The following MGAM variants were observed in gnomAD, a reference collection of about 807,000 sequenced individuals.
MGAM encodes maltase-glucoamylase.
In MGAM, 253 loss-of-function variants were observed where a neutral mutation model predicts 358.8. The ratio of observed to expected loss-of-function variants is 0.71; its 90% CI spans 0.64 to 0.78. The LOEUF (loss-of-function observed/expected upper bound fraction) is 0.78, where lower values mean the gene tolerates loss of function less well. MGAM is among the 30% of genes least tolerant of loss of function. MGAM has a pLI of 0.00. For missense variants in MGAM, 3,080 were observed against 3,432.6 expected (o/e 0.90, Z 2.57); for synonymous variants, 1,105 against 1,227.1 (o/e 0.90, Z 2.08).
Position 142,065,438 on chromosome 7 carries a change from G to C in MGAM, c.4588G>C (p.Ala1530Pro), listed in dbSNP as rs772302459. 12 of 1,609,322 alleles carry C rather than the reference G, an allele frequency of 7.5e-6. No individual in the cohort carries two copies. The highest frequency in any genetic ancestry group is 1.0e-5 in the Non-Finnish European group (12 of 1,177,736). ...ACATTGGCTGGGAGACAACACGGCC[G>C]CATGGGATCAGCTGAAGAAGTCTAT... Reference protein sequence around the residue: ...AGHWLGDNTAAWDQLKKSIIG... With the variant: ...AGHWLGDNTAPWDQLKKSIIG... Residue 1530 changes from alanine to proline, a missense_variant, in exon 38 of 71, where the codon GCA (alanine) becomes CCA (proline). This residue lies in a region of MGAM where 134 missense variants were observed against 198.4 expected (regional missense o/e 0.68). Coordinates refer to ENST00000475668, the MANE Select transcript of MGAM (RefSeq NM_001365693.1).
At chr7:142,034,048 A>C (rs4416750) in intron 14 of MGAM, among the ~76,000 whole-genome samples, 23 of 152,056 alleles carry the variant, frequency 1.5e-4, no homozygotes, top group African/African-American at 5.3e-4. Context: ...TGAGAGCTCC[A>C]GTGGGAGGAT....
intron 1 of MGAM, among the ~76,000 whole-genome samples, chr7:141,997,521 A>G (rs1804349957): frequency 6.6e-6 from 1 of 152,212 alleles, no homozygotes; most frequent in Non-Finnish European, 1.5e-5. Context: ...TTCTATAAGC[A>G]TGGAATGGAA....
At chr7:142,000,926 A>C (rs1400200051) in intron 1 of MGAM, among the ~76,000 whole-genome samples, 1 of 152,182 alleles carries the variant, frequency 6.6e-6, no homozygotes. Context: ...AAAAAAATTA[A>C]ATATTTTTAT....
chr7:142,034,205 A>G, intron 14 of MGAM, 57 bp from the exon 15 acceptor site: 1 of 1,300,058 alleles, frequency 7.7e-7, no homozygotes, highest in South Asian at 1.3e-5. Context: ...TGTGATAGTC[A>G]AGGAGCAGAA....
chr7:142,052,155 T>G (rs1404549260), intron 24 of MGAM, 139 bp from the exon 25 acceptor site: 1 of 728,076 alleles, frequency 1.4e-6, no homozygotes, highest in Non-Finnish European at 2.2e-6. Flanking sequence ...TCTCTTCTTA[T>G]AAGCTAAAGT....
intron 12 of MGAM, 25 bp from the exon 13 acceptor site, chr7:142,031,655 C>T: frequency 6.8e-7 from 1 of 1,460,368 alleles, no homozygotes; most frequent in Non-Finnish European, 9.6e-7. Context: ...TTACTCTTAC[C>T]AGTGTTTTTC....
chr7:142,004,376 A>G (rs1396409630), intron 1 of MGAM: 1 of 152,040 alleles, frequency 6.6e-6, no homozygotes, highest in Non-Finnish European at 1.5e-5. Context: ...AAACAATGAA[A>G]TCATATTTTT....
At chr7:142,040,437 A>T in intron 20 of MGAM, 1 of 582,848 alleles carries the variant, frequency 1.7e-6, no homozygotes, top group South Asian at 2.3e-5. Context: ...GGAGGAACTG[A>T]TGGACAATGT....
At chr7:142,029,721 A>G (rs1412201099) in intron 10 of MGAM, among the ~76,000 whole-genome samples, 3 of 152,192 alleles carry the variant, frequency 2.0e-5, no homozygotes, top group Non-Finnish European at 4.4e-5. Context: ...GAATGTACCT[A>G]TGATATTGGA....
chr7:142,074,208 A>G lies in MGAM; in HGVS notation c.5275+35A>G, dbSNP rs571623710. 12 of 1,372,618 alleles carry G rather than the reference A, an allele frequency of 8.7e-6. 2 individuals carry two copies. The South Asian group carries it at 1.3e-4, about 15-fold the overall frequency. The allele number at this position is 1,372,618 out of a possible 1,614,324, so 85.0% of individuals were successfully genotyped here. On this transcript the variant is annotated intron_variant, in intron 45 of 70. Transcript: ENST00000475668. ...GTTACAATAATGTTGCTGTTTCCCA[A>G]CCTGCGCCTGTGACTTATGGTCCTT...
intron 24 of MGAM, among the ~76,000 whole-genome samples, chr7:142,051,575 G>C (rs550840465): frequency 2.0e-4 from 31 of 152,254 alleles, no homozygotes; most frequent in Non-Finnish European, 4.3e-4. Flanking sequence ...TTCAAGGAAG[G>C]TTTCAGAATT....
rs1364036292 is a variant in MGAM at position 142,052,404 on chromosome 7, TG to T, written c.2917del (p.Ala973LeufsTer49). 6.2e-7 allele frequency: 1 copy of T among 1,613,258 alleles called. No individual in the cohort carries two copies. The highest frequency in any genetic ancestry group is 8.5e-7 in the Non-Finnish European group (1 of 1,179,662). On this transcript the variant is annotated frameshift_variant, in exon 25 of 71. Transcript: ENST00000475668. LOFTEE classifies it high-confidence loss of function. ...TAGACTGTTACCCTGATGAGAATGG[TG>T]CTTCTGCCGAAAACTGCACTGCCCG... is the stretch of plus-strand genomic sequence containing the variant. ...KIDCYPDENG[A>X]SAENCTARGC... is the part of the protein sequence containing the mutation.
intron 38 of MGAM, 55 bp from the exon 39 acceptor site, chr7:142,065,533 G>A (rs2129043827): frequency 6.2e-7 from 1 of 1,614,010 alleles, no homozygotes; most frequent in South Asian, 1.1e-5. Flanking sequence ...TAGGGAAGAG[G>A]TGAGGAGGCA....
rs1400338220 is a variant in MGAM at position 142,041,773 on chromosome 7, C to T, written c.2498+927C>T. On this transcript the variant is annotated intron_variant, in intron 21 of 70. Transcript: ENST00000475668. ...TTTGCCTGGTGTATTCTTAATGATC[C>T]AAATGAAACTTTACATTTCAGCAGC... Among the ~76,000 whole-genome samples, 5 of 146,220 alleles carry T rather than the reference C, an allele frequency of 3.4e-5. No individual in the cohort carries two copies. The South Asian group carries it at 1.1e-3, about 31-fold the overall frequency.
At position 142,094,407 on chromosome 7, in the gene MGAM, C is replaced by T. The variant is rs775218319; in HGVS notation, c.7216C>T (p.Arg2406Cys). ...AGGACAGCGAGGGGTCGTCATCACC[C>T]GCTCCACATTTCCCTCTTCTGGCCG... ...VTGQRGVVIT[R>C]STFPSSGRWA... The change falls in exon 61 of 71, where the codon CGC becomes TGC. Residue 2406 changes from arginine (R) to cysteine (C), a missense_variant. Coordinates refer to ENST00000475668, the MANE Select transcript of MGAM (RefSeq NM_001365693.1). 39 of 1,534,178 alleles carry T rather than the reference C, an allele frequency of 2.5e-5. 7 individuals are homozygous for T. Among genetic ancestry groups the T allele is most frequent in the Middle Eastern group, 3.6e-4 (2 of 5,566 alleles).
At chr7:142,023,698 G>C (rs1189540666) in intron 7 of MGAM, among the ~76,000 whole-genome samples, 1 of 151,536 alleles carries the variant, frequency 6.6e-6, no homozygotes, top group Non-Finnish European at 1.5e-5. Flanking sequence ...GAGGTTGTAA[G>C]AACAGAGGAA....
intron 2 of MGAM, among the ~76,000 whole-genome samples, chr7:141,989,641 A>C (rs1429592100): frequency 1.3e-5 from 2 of 151,596 alleles, no homozygotes; most frequent in African/African-American, 4.9e-5. Context: ...CTGCAGCCTC[A>C]AACTCCTGGG....
intron 3 of MGAM, among the ~76,000 whole-genome samples, chr7:142,014,766 A>G (rs1805840683): frequency 6.6e-6 from 1 of 152,128 alleles, no homozygotes; most frequent in South Asian, 2.1e-4. Flanking sequence ...TGTGAGATTT[A>G]ACTATGTTGA....
chr7:142,065,491 C>T, intron 38 of MGAM, 23 bp downstream of exon 38: 8 of 1,613,570 alleles, frequency 5.0e-6, no homozygotes, highest in Non-Finnish European at 6.8e-6. Flanking sequence ...TTCCCCAGGG[C>T]CTTTGCCGAC....
Sources: gnomAD v4.1 joint callset for allele counts (sites outside exome capture counted in the v4.1 genomes callset) on GRCh38, gnomAD v4.1.1 for gene constraint, gnomAD v4.1.1 regional missense constraint, MANE v1.5 for transcripts, NCBI Gene and HGNC (gene_info 2026-07-23, HGNC 2026-07-21) for gene names.